LPAR3: variants seen among roughly 807,000 people sequenced by gnomAD.
LPAR3 encodes LPA receptor 3.
A neutral mutation model predicts 17.8 loss-of-function variants in LPAR3; 7 were observed. The ratio of observed to expected loss-of-function variants is 0.39; its 90% CI spans 0.22 to 0.74. The LOEUF (loss-of-function observed/expected upper bound fraction) is 0.74. Among genes scored for constraint, LPAR3 ranks in the 30% least tolerant of loss-of-function variants. The pLI is 0.40. For missense variants in LPAR3, 391 were observed against 453.4 expected, an observed-to-expected ratio of 0.86 and a Z score of 1.25; for synonymous variants, 179 against 179.9, an observed-to-expected ratio of 0.99 and a Z score of 0.04.
At chr1:84,832,671 C>G (rs1182682380) in intron 2 of LPAR3, among the ~76,000 whole-genome samples, 1 of 152,172 alleles carries the variant, frequency 6.6e-6, no homozygotes, top group Non-Finnish European at 1.5e-5. Flanking sequence ...GGCACCATCC[C>G]TTGGTGCCGT....
At chr1:84,828,160 C>G (rs956758584) in intron 2 of LPAR3, among the ~76,000 whole-genome samples, 1 of 152,110 alleles carries the variant, frequency 6.6e-6, no homozygotes, top group South Asian at 2.1e-4. Flanking sequence ...TAAAAGCAGG[C>G]TAAGTGAGCG....
chr1:84,892,262 A>C (rs11161479), intron 1 of LPAR3, among the ~76,000 whole-genome samples: 4 of 110,238 alleles, frequency 3.6e-5, no homozygotes, highest in African/African-American at 1.4e-4. Flanking sequence ...AATAAATAAA[A>C]ACTAACCTAC....
chr1:84,825,373 C>A (rs1283277766), intron 2 of LPAR3, among the ~76,000 whole-genome samples: 1 of 152,162 alleles, frequency 6.6e-6, no homozygotes, highest in Non-Finnish European at 1.5e-5. Context: ...TGGCTCATCA[C>A]TGGGAATAGC....
chr1:84,840,224 C>T (rs1659481598), intron 2 of LPAR3, among the ~76,000 whole-genome samples: 1 of 152,198 alleles, frequency 6.6e-6, no homozygotes, highest in Admixed American at 6.5e-5. Context: ...CATGCCTGAC[C>T]AGTGCTTGCT....
intron 2 of LPAR3, among the ~76,000 whole-genome samples, chr1:84,841,199 T>G (rs1659497101): frequency 6.6e-6 from 1 of 152,194 alleles, no homozygotes; most frequent in Non-Finnish European, 1.5e-5. Context: ...TTCCCGAAAC[T>G]CCATTTCCCA....
chr1:84,830,762 G>A (rs1659267324), intron 2 of LPAR3, among the ~76,000 whole-genome samples: 1 of 152,152 alleles, frequency 6.6e-6, no homozygotes, highest in Non-Finnish European at 1.5e-5. Flanking sequence ...TGTGCTCCCT[G>A]CCAGGATTTC....
rs1341637118 is a variant in LPAR3 at position 84,813,146 on chromosome 1, T to C, written c.*700A>G. 9.2e-6 allele frequency: 1 copy of C among 109,138 alleles called. No individual in the cohort carries two copies. Among genetic ancestry groups the C allele is most frequent in the African/African-American group, 3.5e-5 (1 of 28,324 alleles). The allele number at this position is 109,138 out of a possible 1,614,324, so 6.8% of individuals were successfully genotyped here. On this transcript the variant is annotated 3_prime_UTR_variant, in exon 3 of 3. Coordinates refer to ENST00000370611, the MANE Select transcript of LPAR3 (RefSeq NM_012152.3). ...ACAGGAATATATATATATATATATA[T>C]ATATATATATATAGACACACACACA...
Position 84,865,767 on chromosome 1 carries a change from G to T in LPAR3, c.354C>A (p.Thr118=). ...LLDSSLTASL[T]NLLVIAVERH... The stretch of plus-strand genomic sequence containing the variant: ...TCTCCACGGCGATAACCAGCAAGTT[G>T]GTGAGGGAAGCAGTCAAGCTACTGT... Residue 118 remains threonine (T), a synonymous_variant, in exon 2 of 3, where the codon ACC becomes ACA. Transcript: ENST00000370611. The T allele has an allele frequency of 6.2e-7, 1 of 1,614,194 alleles. No individual in the cohort carries two copies. Among genetic ancestry groups the T allele is most frequent in the African/African-American group, 1.3e-5 (1 of 75,052 alleles).
Position 84,866,055 on chromosome 1 carries a change from G to A in LPAR3, c.66C>T (p.Val22=), listed in dbSNP as rs1242305046. 1.5e-5 allele frequency: 24 copies of A among 1,613,664 alleles called. No homozygotes were observed. Among genetic ancestry groups the A allele is most frequent in the South Asian group, 5.5e-5 (5 of 91,058 alleles). The change falls in exon 2 of 3, where the codon GTC becomes GTT. Residue 22 remains valine (V), a synonymous_variant. Coordinates refer to ENST00000370611, the MANE Select transcript of LPAR3 (RefSeq NM_012152.3). ...CAAGCTTTGTTCCTGTCCAGTCATC[G>A]ACAGTATCAGTGTTGCTCCTATTAT... ...FFYNRSNTDT[V]DDWTGTKLVI... is the part of the protein sequence containing the mutation.
intron 2 of LPAR3, among the ~76,000 whole-genome samples, chr1:84,855,905 G>A (rs913417625): frequency 3.3e-5 from 5 of 152,208 alleles, no homozygotes; most frequent in African/African-American, 9.7e-5. Flanking sequence ...GTTGGAAGAG[G>A]TGTCAAGATG....
At chr1:84,867,248 G>A (rs1479556184) in intron 1 of LPAR3, among the ~76,000 whole-genome samples, 1 of 152,234 alleles carries the variant, frequency 6.6e-6, no homozygotes, top group African/African-American at 2.4e-5. Flanking sequence ...CAGTGGTCTG[G>A]CCACAGCCAT....
At chr1:84,819,712 G>C (rs1659013225) in intron 2 of LPAR3, among the ~76,000 whole-genome samples, 1 of 152,190 alleles carries the variant, frequency 6.6e-6, no homozygotes. Flanking sequence ...TATACAAAGA[G>C]TGGCAGCAAA....
chr1:84,831,292 C>T (rs141770093), intron 2 of LPAR3, among the ~76,000 whole-genome samples: 4 of 152,146 alleles, frequency 2.6e-5, no homozygotes, highest in Admixed American at 6.5e-5. Context: ...CTTACACCTC[C>T]GTATTTGAAA....
At chr1:84,818,237 T>C (rs1658979542) in intron 2 of LPAR3, among the ~76,000 whole-genome samples, 1 of 152,260 alleles carries the variant, frequency 6.6e-6, no homozygotes, top group Admixed American at 6.5e-5. Context: ...AAGGTTTTAA[T>C]TGAATGAATT....
intron 1 of LPAR3, among the ~76,000 whole-genome samples, chr1:84,887,683 G>T (rs1225707977): frequency 6.6e-6 from 1 of 152,196 alleles, no homozygotes; most frequent in East Asian, 1.9e-4. Context: ...GCCTTCTGTT[G>T]TAAGAAGCTA....
chr1:84,865,686 C>T lies in LPAR3; in HGVS notation c.435G>A (p.Val145=), dbSNP rs1660030748. 2.5e-6 allele frequency: 4 copies of T among 1,614,058 alleles called. No homozygotes were observed. The highest frequency in any genetic ancestry group is 3.3e-5 in the Admixed American group (2 of 60,000). ...RVHSNLTKKR[V]TLLILLVWAI... Reference sequence around the variant, plus strand: ...CCCAGACAAGCAAAATGAGCAGTGTCACCCTCTTTTTGGTCAGGTTGCTAT... The same window carrying T: ...CCCAGACAAGCAAAATGAGCAGTGTTACCCTCTTTTTGGTCAGGTTGCTAT... The change falls in exon 2 of 3, where the codon GTG becomes GTA. Residue 145 remains valine, a synonymous_variant. Coordinates refer to ENST00000370611, the MANE Select transcript of LPAR3 (RefSeq NM_012152.3).
chr1:84,816,069 C>A (rs1361197160), intron 2 of LPAR3, among the ~76,000 whole-genome samples: 1 of 152,104 alleles, frequency 6.6e-6, no homozygotes, highest in African/African-American at 2.4e-5. Context: ...TGAGGACTGA[C>A]TTTAGGCTAG....
At chr1:84,890,210 A>T (rs74096183) in intron 1 of LPAR3, among the ~76,000 whole-genome samples, 2 of 150,012 alleles carry the variant, frequency 1.3e-5, no homozygotes, top group Non-Finnish European at 3.0e-5. Context: ...CAGTACCTGC[A>T]GGAGGAATGA....
rs372139532 is a variant in LPAR3 at position 84,886,111 on chromosome 1, A to T, written c.-19+6905T>A. On this transcript the variant is annotated intron_variant, in intron 1 of 2. Transcript: ENST00000370611. ...GTATTGGTGTCTAAATACAATTCTC[A>T]TATTGCATATTAGATCTCAAGACTT... Among the ~76,000 whole-genome samples, 74 of 152,324 alleles carry T rather than the reference A, an allele frequency of 4.9e-4. No individual in the cohort carries two copies. The South Asian group carries it at 0.011, about 22-fold the overall frequency.
Sources: allele counts gnomAD v4.1 joint callset (sites outside exome capture counted in the v4.1 genomes callset), GRCh38; gene constraint gnomAD v4.1.1; transcripts MANE v1.5; gene names NCBI Gene and HGNC (gene_info 2026-07-23, HGNC 2026-07-21).